The following CLIC5 variants were observed in gnomAD, a reference collection of about 807,000 sequenced individuals.
CLIC5 encodes chloride intracellular channel protein 5.
CLIC5 carries 20 observed loss-of-function variants against 24.7 expected under a neutral mutation model. The observed-to-expected ratio is 0.81, with a 90% CI of 0.57 to 1.18. CLIC5 has a LOEUF of 1.18. Ranked by LOEUF, CLIC5 falls within the 50% of genes most tolerant of loss-of-function variation. The probability of loss-of-function intolerance (pLI) is 0.00; values close to 1 mark genes in which losing one functional copy is unlikely to be tolerated. For synonymous variants in CLIC5, 159 were observed against 135.6 expected, an observed-to-expected ratio of 1.17 and a Z score of -1.20; for missense variants, 341 against 326.1, an observed-to-expected ratio of 1.05 and a Z score of -0.35.
chr6:46,065,872 C>T (rs987749408), intron 1 of CLIC5, among the ~76,000 whole-genome samples: 1 of 152,120 alleles, frequency 6.6e-6, no homozygotes, highest in African/African-American at 2.4e-5. Context: ...AAAACTCCCT[C>T]AAATGCACAC....
At chr6:46,031,467 A>G (rs17364825) in intron 1 of CLIC5, among the ~76,000 whole-genome samples, 6,670 of 152,320 alleles carry the variant, frequency 0.044, 212 homozygotes, top group Non-Finnish European at 0.071. Context: ...TGCACCAGGA[A>G]GAGATTTTCT....
At chr6:45,997,143 G>GCA (rs978250378) in intron 1 of CLIC5, among the ~76,000 whole-genome samples, 15 of 150,188 alleles carry the variant, frequency 1.0e-4, no homozygotes, top group African/African-American at 3.2e-4. Context: ...AGAAAATGTG[G>GCA]CACATATACA....
chr6:46,101,454 G>A, the CLIC5 span, among the ~76,000 whole-genome samples: 1 of 152,250 alleles, frequency 6.6e-6, no homozygotes. Flanking sequence ...AAAGTGGAAT[G>A]TGTTCAGATG....
chr6:45,891,255 C>T (rs951767677), intron 6 of CLIC5, among the ~76,000 whole-genome samples: 4 of 152,048 alleles, frequency 2.6e-5, no homozygotes, highest in African/African-American at 9.7e-5. Flanking sequence ...CCAAAAAGAA[C>T]ATACAAAACA....
intron 6 of CLIC5, among the ~76,000 whole-genome samples, chr6:45,893,071 T>C (rs1236035866): frequency 6.6e-6 from 1 of 152,192 alleles, no homozygotes; most frequent in African/African-American, 2.4e-5. Context: ...GCTCCATGTC[T>C]TTTTCGGATG....
At chr6:46,079,059 T>G (rs1033572583) in intron 1 of CLIC5, among the ~76,000 whole-genome samples, 11 of 152,244 alleles carry the variant, frequency 7.2e-5, no homozygotes, top group Non-Finnish European at 1.5e-4. Flanking sequence ...TGTTTAGGTC[T>G]GAAACACTTT....
intron 5 of CLIC5, among the ~76,000 whole-genome samples, chr6:45,908,362 T>C (rs1340911247): frequency 1.3e-5 from 2 of 152,194 alleles, no homozygotes; most frequent in Non-Finnish European, 2.9e-5. Flanking sequence ...AGGTGTGATG[T>C]TACTTTGTCA....
chr6:45,888,509 G>A (rs2127282378), intron 6 of CLIC5, among the ~76,000 whole-genome samples: 1 of 152,270 alleles, frequency 6.6e-6, no homozygotes, highest in East Asian at 1.9e-4. Context: ...GATGAGTTTG[G>A]AAGAGAAGCA....
chr6:46,011,949 A>G (rs1766824696), intron 1 of CLIC5, among the ~76,000 whole-genome samples: 1 of 152,222 alleles, frequency 6.6e-6, no homozygotes, highest in South Asian at 2.1e-4. Context: ...AGAAAGGTTC[A>G]GTCTGCCATG....
At chr6:45,996,486 A>C (rs1766144901) in intron 1 of CLIC5, among the ~76,000 whole-genome samples, 1 of 152,284 alleles carries the variant, frequency 6.6e-6, no homozygotes, top group East Asian at 1.9e-4. Flanking sequence ...TTAGGTCTAA[A>C]GTTTAAGTCT....
chr6:46,022,224 T>C (rs369993652), intron 1 of CLIC5, among the ~76,000 whole-genome samples: 1 of 152,230 alleles, frequency 6.6e-6, no homozygotes, highest in East Asian at 1.9e-4. Context: ...ATAATGATGA[T>C]GCTTATGGGG....
chr6:45,905,117 A>T (rs1449065680), intron 5 of CLIC5, among the ~76,000 whole-genome samples: 1 of 152,156 alleles, frequency 6.6e-6, no homozygotes, highest in Non-Finnish European at 1.5e-5. Flanking sequence ...TTGTTTATTC[A>T]GTACACTGTT....
At chr6:45,912,698 A>G in intron 5 of CLIC5, 1 of 1,535,430 alleles carries the variant, frequency 6.5e-7, no homozygotes, top group Non-Finnish European at 8.7e-7. Context: ...ACACAGTGTG[A>G]CTGAGCTGGA....
At chr6:45,882,276 A>G (rs1028501380) in intron 6 of CLIC5, among the ~76,000 whole-genome samples, 1 of 152,232 alleles carries the variant, frequency 6.6e-6, no homozygotes, top group African/African-American at 2.4e-5. Context: ...CAATCACTGC[A>G]TAGAAGCCAC....
At chr6:46,037,877 G>T (rs1217983096) in intron 1 of CLIC5, among the ~76,000 whole-genome samples, 1 of 152,188 alleles carries the variant, frequency 6.6e-6, no homozygotes, top group Non-Finnish European at 1.5e-5. Context: ...TTTGGTTACA[G>T]GTAGGGATTC....
chr6:45,907,590 T>C (rs2127298930), intron 5 of CLIC5, among the ~76,000 whole-genome samples: 2 of 152,274 alleles, frequency 1.3e-5, no homozygotes, highest in South Asian at 4.1e-4. Flanking sequence ...ATAGTTTAAG[T>C]ACGATTGGTA....
intron 1 of CLIC5, among the ~76,000 whole-genome samples, chr6:45,959,130 T>A (rs1349595627): frequency 1.3e-5 from 2 of 152,220 alleles, no homozygotes; most frequent in Non-Finnish European, 2.9e-5. Flanking sequence ...ACTGCACCTA[T>A]AACTTCCTGC....
intron 1 of CLIC5, among the ~76,000 whole-genome samples, chr6:46,039,882 C>CA (rs1186670853): frequency 1.3e-5 from 2 of 152,212 alleles, no homozygotes; most frequent in Non-Finnish European, 2.9e-5. Flanking sequence ...GAGATGTAAA[C>CA]AAAAAACCTT....
At chr6:45,957,230 A>G (rs4714892) in intron 1 of CLIC5, among the ~76,000 whole-genome samples, 127,056 of 151,756 alleles carry the variant, frequency 0.84, 53,723 homozygotes, top group Non-Finnish European at 0.9. Context: ...TCAACTACAT[A>G]AAAAATTCAT....
Sources: gnomAD v4.1 joint callset for allele counts (sites outside exome capture counted in the v4.1 genomes callset) on GRCh38, gnomAD v4.1.1 for gene constraint, MANE v1.5 for transcripts, NCBI Gene and HGNC (gene_info 2026-07-23, HGNC 2026-07-21) for gene names.